SMAD9: variants seen among roughly 807,000 people sequenced by gnomAD.
SMAD9 encodes the protein SMAD family member 9.
SMAD9 carries 36 observed loss-of-function variants against 46.1 expected under a neutral mutation model. That is an observed-to-expected ratio of 0.78 (90% CI 0.60 to 1.03). The LOEUF (loss-of-function observed/expected upper bound fraction) is 1.03, where lower values mean the gene tolerates loss of function less well. SMAD9 is among the 50% of genes least tolerant of loss of function. The pLI is 0.00. For missense variants in SMAD9, 572 were observed against 599.8 expected (o/e 0.95, Z 0.48); for synonymous variants, 245 against 237.1 (o/e 1.03, Z -0.31).
At chr13:36,895,693 T>C (rs1223014420) in intron 1 of SMAD9, among the ~76,000 whole-genome samples, 3 of 152,168 alleles carry the variant, frequency 2.0e-5, no homozygotes, top group South Asian at 4.1e-4. Flanking sequence ...TGGAGAGAAA[T>C]TGCTTTGCTA....
At chr13:36,911,526 AT>A (rs1315620596) in intron 1 of SMAD9, among the ~76,000 whole-genome samples, 1 of 149,490 alleles carries the variant, frequency 6.7e-6, no homozygotes, top group East Asian at 2.0e-4. Context: ...CATCTGTTTA[AT>A]ATATATATTT....
upstream of SMAD9, chr13:36,920,709 G>A (rs188553655): frequency 6.6e-6 from 1 of 152,396 alleles, no homozygotes; most frequent in African/African-American, 2.4e-5. Context: ...TAGGATCACC[G>A]GCCCATCAGT....
At chr13:36,902,983 G>A (rs1048412795) in intron 1 of SMAD9, among the ~76,000 whole-genome samples, 15 of 152,166 alleles carry the variant, frequency 9.9e-5, no homozygotes, top group South Asian at 4.1e-4. Context: ...TGAAATAAGC[G>A]TGAGGATGGG....
In SMAD9 at chr13:36,872,674, ACT is replaced by A. The variant is rs761782531; in HGVS notation, c.652_653del (p.Pro219LeufsTer6). On this transcript the variant is annotated frameshift_variant, in exon 3 of 7. Transcript: ENST00000379826. LOFTEE classifies it high-confidence loss of function. ...HSPGSPSEPE[S>X]PYQHSVDTPP... ...CTTACTGACCTGAGTGTTGATAGGG[ACT>A]CTCTGGCTCAGAAGGACTTCCTGGG... 1 of 1,613,498 alleles carries A rather than the reference ACT, an allele frequency of 6.2e-7. No homozygotes were observed. The highest frequency in any genetic ancestry group is 1.1e-5 in the South Asian group (1 of 91,042).
intron 1 of SMAD9, among the ~76,000 whole-genome samples, chr13:36,892,265 C>A (rs974041610): frequency 6.6e-6 from 1 of 152,142 alleles, no homozygotes; most frequent in African/African-American, 2.4e-5. Context: ...AGCAAAAATT[C>A]TTCCTATGTC....
chr13:36,865,672 GGA>G lies in SMAD9; in HGVS notation c.866_867del (p.Phe289SerfsTer18). 1 of 1,614,110 alleles carries G rather than the reference GGA, an allele frequency of 6.2e-7. No individual in the cohort carries two copies. Among genetic ancestry groups the G allele is most frequent in the Non-Finnish European group, 8.5e-7 (1 of 1,179,968 alleles). The stretch of plus-strand genomic sequence containing the variant: ...ATGAGCACACTTCGGGAGGAAGCCT[GGA>G]ATGTCTCCCCAACTCGGTTGTTCAG... ...YELNNRVGET[F>X]QASSRSVLID... is the part of the protein sequence containing the mutation. On this transcript the variant is annotated frameshift_variant, in exon 5 of 7. Coordinates refer to ENST00000379826, the MANE Select transcript of SMAD9 (RefSeq NM_001127217.3). LOFTEE classifies it high-confidence loss of function.
chr13:36,888,839 C>T (rs1046794621), intron 1 of SMAD9, among the ~76,000 whole-genome samples: 30 of 152,106 alleles, frequency 2.0e-4, no homozygotes, highest in African/African-American at 7.0e-4. Context: ...GTCCTTTGAA[C>T]CCTTTTAATA....
rs529548683 is a variant in SMAD9, at chr13:36,863,303, A to T, written c.1003+2234T>A. 8.4e-4 allele frequency among the ~76,000 whole-genome samples: 128 copies of T among 152,216 alleles called. 1 individual carries two copies. Among genetic ancestry groups the T allele is most frequent in the South Asian group, 5.4e-3 (26 of 4,822 alleles). The stretch of plus-strand genomic sequence containing the variant: ...AGGCTTGTGGCATGTCCAAAAAAAA[A>T]TTTTTTTCCACATTGGAGTAATTTC... On this transcript the variant is annotated intron_variant, in intron 5 of 6. Coordinates refer to ENST00000379826, the MANE Select transcript of SMAD9 (RefSeq NM_001127217.3).
At chr13:36,868,308 C>A (rs545915052) in intron 3 of SMAD9, among the ~76,000 whole-genome samples, 2 of 152,156 alleles carry the variant, frequency 1.3e-5, no homozygotes, top group African/African-American at 4.8e-5. Flanking sequence ...ATGCAGGGTT[C>A]GTGGACCATA....
chr13:36,861,624 G>C (rs970069581), intron 5 of SMAD9, among the ~76,000 whole-genome samples: 2 of 148,052 alleles, frequency 1.4e-5, no homozygotes, highest in African/African-American at 4.9e-5. Context: ...TCACTAAAAA[G>C]AATTTTTAAA....
Position 36,870,283 on chromosome 13 carries a change from A to C in SMAD9, c.670+2375T>G, listed in dbSNP as rs181242864. 3.3e-5 allele frequency among the ~76,000 whole-genome samples: 5 copies of C among 152,240 alleles called. No homozygotes were observed. In the East Asian group the frequency reaches 9.7e-4, roughly 29 times the overall value. On this transcript the variant is annotated intron_variant, in intron 3 of 6. Coordinates refer to ENST00000379826, the MANE Select transcript of SMAD9 (RefSeq NM_001127217.3). Reference sequence around the variant, plus strand: ...GTTAGGTAAATATATATTTTGCAACACTATTATCCTCCTGTTCCTTAACCA... The same window carrying C: ...GTTAGGTAAATATATATTTTGCAACCCTATTATCCTCCTGTTCCTTAACCA...
rs745716683 is a variant in SMAD9, at chr13:36,872,669, T to C, written c.659A>G (p.Tyr220Cys). The change falls in exon 3 of 7, where the codon TAT becomes TGT. Residue 220 changes from tyrosine to cysteine, a missense_variant. Physicochemically the swap from Tyr to Cys is radical, Grantham distance 194. Transcript: ENST00000379826. ...TAGTTCTTACTGACCTGAGTGTTGA[T>C]AGGGACTCTCTGGCTCAGAAGGACT... ...PGSPSEPESP[Y>C]QHSVDTPPLP... 2.4e-5 allele frequency: 38 copies of C among 1,613,904 alleles called. No homozygotes were observed. Among genetic ancestry groups the C allele is most frequent in the Middle Eastern group, 1.6e-4 (1 of 6,084 alleles).
chr13:36,863,383 C>T (rs994880959), intron 5 of SMAD9, among the ~76,000 whole-genome samples: 1 of 152,132 alleles, frequency 6.6e-6, no homozygotes, highest in African/African-American at 2.4e-5. Flanking sequence ...ACAGTGAGTA[C>T]CCTTGCATCG....
rs549806546 is a variant in SMAD9 at position 36,879,769 on chromosome 13, G to A, written c.-80C>T. 2.6e-5 allele frequency: 39 copies of A among 1,518,250 alleles called. No individual in the cohort carries two copies. Among genetic ancestry groups the A allele is most frequent in the Non-Finnish European group, 3.4e-5 (38 of 1,103,696 alleles). The allele number at this position is 1,518,250 out of a possible 1,614,324, so 94.0% of individuals were successfully genotyped here. On this transcript the variant is annotated 5_prime_UTR_variant, in exon 2 of 7. Coordinates refer to ENST00000379826, the MANE Select transcript of SMAD9 (RefSeq NM_001127217.3). ...AAGTGGGCGGCGAGTAGCTCTCCAG[G>A]GGTGGCATAGGGACCAACCCGCCCG...
chr13:36,875,491 T>C (rs1170467607), intron 2 of SMAD9, among the ~76,000 whole-genome samples: 1 of 152,116 alleles, frequency 6.6e-6, no homozygotes, highest in East Asian at 1.9e-4. Context: ...GAACAAACAT[T>C]CAACATCACC....
At chr13:36,864,187 TTA>T (rs1432294561) in intron 5 of SMAD9, among the ~76,000 whole-genome samples, 1 of 152,240 alleles carries the variant, frequency 6.6e-6, no homozygotes, top group Non-Finnish European at 1.5e-5. Context: ...AATTCAAAGA[TTA>T]TTTCCTTTGA....
At chr13:36,895,054 G>T (rs12020196) in intron 1 of SMAD9, among the ~76,000 whole-genome samples, 3 of 151,952 alleles carry the variant, frequency 2.0e-5, no homozygotes, top group Non-Finnish European at 4.4e-5. Context: ...CCGGCAGTCA[G>T]TTCCAGCCAG....
In SMAD9 at chr13:36,865,570, T is replaced by C. The variant is rs758521561; in HGVS notation, c.970A>G (p.Thr324Ala). Reference protein sequence around the residue: ...GLLSNVNRNSTIENTRRHIGK... With the variant: ...GLLSNVNRNSAIENTRRHIGK... ...ATATGTCTCCTGGTATTTTCTATCG[T>C]TGAGTTTCTGTTTACATTAGAAAGA... The change falls in exon 5 of 7, where the codon ACG (threonine) becomes GCG (alanine). Residue 324 changes from threonine (T) to alanine (A), a missense_variant. Coordinates refer to ENST00000379826, the MANE Select transcript of SMAD9 (RefSeq NM_001127217.3). 1.2e-6 allele frequency: 2 copies of C among 1,614,088 alleles called. No individual in the cohort carries two copies. Among genetic ancestry groups the C allele is most frequent in the Admixed American group, 1.7e-5 (1 of 60,024 alleles).
chr13:36,881,028 T>G (rs967582527), intron 1 of SMAD9, among the ~76,000 whole-genome samples: 1 of 152,194 alleles, frequency 6.6e-6, no homozygotes, highest in Admixed American at 6.5e-5. Context: ...TTCTAGAAAT[T>G]ATACACTATC....
Sources: allele counts gnomAD v4.1 joint callset (sites outside exome capture counted in the v4.1 genomes callset), GRCh38; gene constraint gnomAD v4.1.1; transcripts MANE v1.5; gene names NCBI Gene and HGNC (gene_info 2026-07-23, HGNC 2026-07-21).